The following PRTG variants were observed in gnomAD, a reference collection of about 807,000 sequenced individuals.
PRTG encodes the protein immunoglobulin superfamily, DCC subclass, member 5.
A neutral mutation model predicts 122.5 loss-of-function variants in PRTG; 67 were observed. That is an observed-to-expected ratio of 0.55 (90% CI 0.45 to 0.67). PRTG has a LOEUF of 0.67. Among genes scored for constraint, PRTG ranks in the 30% least tolerant of loss-of-function variants. The pLI is 0.00. For missense variants in PRTG, 1,435 were observed against 1,415.4 expected (o/e 1.01, Z -0.22); for synonymous variants, 554 against 501.1 (o/e 1.11, Z -1.41).
intron 2 of PRTG, among the ~76,000 whole-genome samples, chr15:55,713,588 G>A (rs1264705203): frequency 6.6e-6 from 1 of 152,076 alleles, no homozygotes; most frequent in Non-Finnish European, 1.5e-5. Flanking sequence ...GCCATCATTT[G>A]GAAATCACAG....
At chr15:55,694,919 T>C (rs951700090) in intron 2 of PRTG, among the ~76,000 whole-genome samples, 1 of 152,164 alleles carries the variant, frequency 6.6e-6, no homozygotes, top group Admixed American at 6.5e-5. Flanking sequence ...AGTGTTAACG[T>C]AAACCAAGAG....
chr15:55,638,555 G>A lies in PRTG; in HGVS notation c.2446C>T (p.Pro816Ser), dbSNP rs1170082226. 7 of 1,601,340 alleles carry A rather than the reference G, an allele frequency of 4.4e-6. No individual in the cohort carries two copies. Among genetic ancestry groups the A allele is most frequent in the Middle Eastern group, 1.7e-4 (1 of 6,026 alleles). The change falls in exon 14 of 20, where the codon CCA (proline) becomes TCA (serine). Residue 816 changes from proline to serine, a missense_variant. By Grantham distance (74) the Pro-to-Ser change is moderately conservative. Coordinates refer to ENST00000389286, the MANE Select transcript of PRTG (RefSeq NM_173814.6). ...WSPVVYHSTL[P>S]EAPAGPPVGV... is the part of the protein sequence containing the mutation. ...AGGGAGCTGTTTTCTTTACCTTCTG[G>A]AAGAGTAGAATGGTAGACTACAGGG...
chr15:55,646,496 G>T (rs1383357609), intron 11 of PRTG, among the ~76,000 whole-genome samples: 2 of 149,116 alleles, frequency 1.3e-5, no homozygotes, highest in Non-Finnish European at 3.0e-5. Context: ...CCAATTTTTT[G>T]TATTTTTAGT....
In PRTG at chr15:55,641,195, T is replaced by C; in HGVS notation, c.2055A>G (p.Lys685=). The stretch of plus-strand genomic sequence containing the variant: ...TGTAAGCCAGGAGTCTCACATGATA[T>C]TTTCTTCTGGGGTCTATAAAGAAAC... ...YTLSGLDPRR[K]YHVRLLAYNN... is the part of the protein sequence containing the mutation. Residue 685 remains lysine, a synonymous_variant, in exon 12 of 20, where the codon AAA becomes AAG. Transcript: ENST00000389286. 1 of 1,612,770 alleles carries C rather than the reference T, an allele frequency of 6.2e-7. No homozygotes were observed. The highest frequency in any genetic ancestry group is 8.5e-7 in the Non-Finnish European group (1 of 1,178,846).
chr15:55,612,696 CAATATA>C lies in PRTG; in HGVS notation c.*7310_*7315del, dbSNP rs1212618648. 3.2e-4 allele frequency: 29 copies of C among 90,598 alleles called. No homozygotes were observed. Among genetic ancestry groups the C allele is most frequent in the African/African-American group, 8.1e-4 (14 of 17,382 alleles). 5.6% of individuals were successfully genotyped at this position (90,598 alleles called of 1,614,324 possible). A position where few individuals can be genotyped will look rare whatever the true frequency, so the allele number is the denominator to read the frequency against. On this transcript the variant is annotated 3_prime_UTR_variant, in exon 20 of 20. Coordinates refer to ENST00000389286, the MANE Select transcript of PRTG (RefSeq NM_173814.6). ...ATTCTCTCTTTAACTCTTTAAAAGC[CAATATA>C]TATATATATATATATATATATATAT...
At chr15:55,659,915 A>G (rs2059400265) in intron 11 of PRTG, among the ~76,000 whole-genome samples, 1 of 105,232 alleles carries the variant, frequency 9.5e-6, no homozygotes, top group African/African-American at 3.5e-5. Flanking sequence ...ACAGACTTCA[A>G]AAAAAAGTCT....
At chr15:55,626,504 G>A (rs927688465) in intron 17 of PRTG, among the ~76,000 whole-genome samples, 3 of 151,840 alleles carry the variant, frequency 2.0e-5, no homozygotes, top group African/African-American at 7.3e-5. Context: ...AGCACTTTGG[G>A]AGGATGAGGC....
chr15:55,621,086 A>G (rs1170029225), intron 18 of PRTG, among the ~76,000 whole-genome samples: 1 of 152,094 alleles, frequency 6.6e-6, no homozygotes, highest in Non-Finnish European at 1.5e-5. Context: ...GGGCACAGTG[A>G]CTCACACCTG....
chr15:55,680,307 A>G (rs1294853242), intron 5 of PRTG, 95 bp from the exon 6 acceptor site: 15 of 1,190,122 alleles, frequency 1.3e-5, no homozygotes, highest in Non-Finnish European at 1.8e-5. Flanking sequence ...CATGAAAAGT[A>G]TAAAATTAAA....
intron 17 of PRTG, among the ~76,000 whole-genome samples, chr15:55,626,410 A>G (rs901531182): frequency 6.9e-6 from 1 of 145,900 alleles, no homozygotes; most frequent in Admixed American, 6.9e-5. Flanking sequence ...CTTTGTCTCA[A>G]AAAAAAAAAA....
chr15:55,652,384 G>C (rs1055089532), intron 11 of PRTG, among the ~76,000 whole-genome samples: 2 of 152,158 alleles, frequency 1.3e-5, no homozygotes, highest in African/African-American at 4.8e-5. Flanking sequence ...CTAGTGTCTA[G>C]CCAAATGTCC....
chr15:55,634,717 C>T (rs2059246760), intron 15 of PRTG, among the ~76,000 whole-genome samples: 1 of 151,946 alleles, frequency 6.6e-6, no homozygotes, highest in African/African-American at 2.4e-5. Context: ...TGGCGTGTGC[C>T]TGTAGTCCCA....
At chr15:55,674,306 CA>C (rs2059490128) in intron 9 of PRTG, among the ~76,000 whole-genome samples, 1 of 152,038 alleles carries the variant, frequency 6.6e-6, no homozygotes, top group Non-Finnish European at 1.5e-5. Flanking sequence ...TGATCTTGAC[CA>C]AATTAACCTC....
chr15:55,626,881 T>C, intron 17 of PRTG, 127 bp downstream of exon 17: 2 of 723,684 alleles, frequency 2.8e-6, no homozygotes, highest in Non-Finnish European at 4.3e-6. Context: ...CAGGGAACAA[T>C]ACTGCACATT....
intron 1 of PRTG, 151 bp from the exon 2 acceptor site, chr15:55,740,835 T>C (rs2031586392): frequency 1.5e-6 from 1 of 666,760 alleles, no homozygotes; most frequent in Admixed American, 3.2e-5. Context: ...AATGAACCAA[T>C]CTAAATTTCA....
At chr15:55,648,957 C>T (rs1201022076) in intron 11 of PRTG, among the ~76,000 whole-genome samples, 40 of 151,812 alleles carry the variant, frequency 2.6e-4, no homozygotes, top group Admixed American at 2.3e-3. Flanking sequence ...ATTAGCCGGG[C>T]GTGGTGATAC....
chr15:55,656,187 T>C, intron 11 of PRTG: 1 of 287,292 alleles, frequency 3.5e-6, no homozygotes, highest in Non-Finnish European at 6.8e-6. Context: ...TCTTTATAAC[T>C]GCTTTTCCCC....
At chr15:55,675,717 A>G in intron 8 of PRTG, 34 bp from the exon 9 acceptor site, 3 of 1,376,792 alleles carry the variant, frequency 2.2e-6, no homozygotes, top group East Asian at 2.3e-5. Context: ...AAAATGACAG[A>G]TATTCAAAAT....
intron 2 of PRTG, among the ~76,000 whole-genome samples, chr15:55,685,708 A>G (rs935979651): frequency 3.3e-5 from 5 of 152,240 alleles, no homozygotes; most frequent in Non-Finnish European, 7.3e-5. Context: ...TGAATTAATG[A>G]ATATTTTTCT....
Sources: gnomAD v4.1 joint callset for allele counts (sites outside exome capture counted in the v4.1 genomes callset) on GRCh38, gnomAD v4.1.1 for gene constraint, MANE v1.5 for transcripts, NCBI Gene and HGNC (gene_info 2026-07-23, HGNC 2026-07-21) for gene names.